PSD3: variants seen among roughly 807,000 people sequenced by gnomAD.
PSD3 encodes PH and SEC7 domain-containing protein 3.
PSD3 carries 49 observed loss-of-function variants against 105.5 expected under a neutral mutation model. That is an observed-to-expected ratio of 0.46 (90% CI 0.37 to 0.59). The LOEUF (loss-of-function observed/expected upper bound fraction) is 0.59, where lower values mean the gene tolerates loss of function less well. Among genes scored for constraint, PSD3 ranks in the 20% least tolerant of loss-of-function variants. The probability of loss-of-function intolerance (pLI) is 0.00; values close to 1 mark genes in which losing one functional copy is unlikely to be tolerated. For synonymous variants in PSD3, 557 were observed against 457.8 expected, an observed-to-expected ratio of 1.22 and a Z score of -2.77; for missense variants, 1,561 against 1,263.8, an observed-to-expected ratio of 1.24 and a Z score of -3.57.
At chr8:18,882,486 G>A (rs1818169826) in intron 2 of PSD3, among the ~76,000 whole-genome samples, 1 of 152,072 alleles carries the variant, frequency 6.6e-6, no homozygotes, top group African/African-American at 2.4e-5. Flanking sequence ...CTGTCATCAA[G>A]GAGCTTACAA....
chr8:18,808,725 C>T (rs780810795), intron 4 of PSD3: 13 of 1,613,826 alleles, frequency 8.1e-6, no homozygotes, highest in Non-Finnish European at 1.0e-5. Context: ...AATCAGAAAG[C>T]TTGACAATAT....
At chr8:18,725,945 G>A (rs1166451311) in intron 9 of PSD3, among the ~76,000 whole-genome samples, 1 of 152,140 alleles carries the variant, frequency 6.6e-6, no homozygotes, top group Non-Finnish European at 1.5e-5. Flanking sequence ...TTCATGTCCC[G>A]CCCACTTCCA....
rs1011616301 is a variant in PSD3 at position 18,641,138 on chromosome 8, G to C, written c.2217-8332C>G. Among the ~76,000 whole-genome samples the C allele has an allele frequency of 2.0e-5, 3 of 152,186 alleles. No homozygotes were observed. The South Asian group carries it at 6.2e-4, about 32-fold the overall frequency. ...CCTCTAGCCAGAACATTACAGAAGG[G>C]TAGGGGTTATAAATCAGGTCCCAAA... On this transcript the variant is annotated intron_variant, in intron 10 of 15. Transcript: ENST00000327040.
chr8:18,671,781 G>A (rs898311620), intron 9 of PSD3, among the ~76,000 whole-genome samples: 1 of 152,016 alleles, frequency 6.6e-6, no homozygotes, highest in African/African-American at 2.4e-5. Context: ...ATAGGTGCCC[G>A]CCATGACGTC....
At chr8:18,689,790 G>T (rs775098898) in intron 9 of PSD3, among the ~76,000 whole-genome samples, 1 of 152,150 alleles carries the variant, frequency 6.6e-6, no homozygotes, top group Non-Finnish European at 1.5e-5. Flanking sequence ...CTGTTATAAA[G>T]ATGCTAATGA....
chr8:19,047,668 C>T (rs1828372136), intron 1 of PSD3, among the ~76,000 whole-genome samples: 2 of 152,128 alleles, frequency 1.3e-5, no homozygotes, highest in Admixed American at 1.3e-4. Context: ...TCTGCCACAC[C>T]TTATGTCATA....
chr8:18,885,250 A>G (rs937884496), intron 2 of PSD3, among the ~76,000 whole-genome samples: 4 of 152,222 alleles, frequency 2.6e-5, no homozygotes, highest in African/African-American at 4.8e-5. Flanking sequence ...TAAAAATCCA[A>G]TTGTAAAATT....
intron 9 of PSD3, among the ~76,000 whole-genome samples, chr8:18,735,144 A>C (rs1009906514): frequency 2.0e-5 from 3 of 152,170 alleles, no homozygotes; most frequent in Admixed American, 2.0e-4. Context: ...AATAATCACC[A>C]AAAATCCCTA....
At chr8:18,869,009 G>T (rs1401547199) in intron 3 of PSD3, among the ~76,000 whole-genome samples, 2 of 152,008 alleles carry the variant, frequency 1.3e-5, no homozygotes, top group Non-Finnish European at 2.9e-5. Flanking sequence ...ACATTCCCAG[G>T]TATTACTGGA....
chr8:18,624,323 T>G (rs1806329367), intron 11 of PSD3, among the ~76,000 whole-genome samples: 1 of 152,100 alleles, frequency 6.6e-6, no homozygotes, highest in Admixed American at 6.6e-5. Flanking sequence ...TCACTATATG[T>G]TTAATGAATA....
chr8:19,015,405 C>A (rs1827148636), upstream of PSD3, among the ~76,000 whole-genome samples: 1 of 152,156 alleles, frequency 6.6e-6, no homozygotes. Flanking sequence ...AGGCATATTT[C>A]TCGTTTGTGA....
At chr8:18,800,148 C>T (rs1240289491) in intron 7 of PSD3, among the ~76,000 whole-genome samples, 1 of 152,170 alleles carries the variant, frequency 6.6e-6, no homozygotes, top group South Asian at 2.1e-4. Flanking sequence ...TCTCAAATAT[C>T]CTCATCAACA....
chr8:18,547,873 A>G (rs1287030489), intron 15 of PSD3, among the ~76,000 whole-genome samples: 1 of 152,162 alleles, frequency 6.6e-6, no homozygotes, highest in Non-Finnish European at 1.5e-5. Flanking sequence ...TTAAATAAGT[A>G]TTCTTTAAAT....
chr8:18,540,457 G>C (rs58397113), intron 15 of PSD3, among the ~76,000 whole-genome samples: 8,387 of 152,230 alleles, frequency 0.055, 410 homozygotes, highest in African/African-American at 0.13. Flanking sequence ...TACTTAGGGA[G>C]AAAGCTTAGG....
At chr8:18,604,535 C>T (rs915988888) in intron 11 of PSD3, among the ~76,000 whole-genome samples, 5 of 149,736 alleles carry the variant, frequency 3.3e-5, no homozygotes, top group Admixed American at 1.3e-4. Flanking sequence ...AGCCTGGCCA[C>T]GTGATAGAAA....
chr8:18,954,000 T>C (rs1198007410), intron 1 of PSD3, among the ~76,000 whole-genome samples: 1 of 152,020 alleles, frequency 6.6e-6, no homozygotes, highest in Non-Finnish European at 1.5e-5. Flanking sequence ...TATCAAACAG[T>C]GACACAGGGC....
intron 1 of PSD3, among the ~76,000 whole-genome samples, chr8:19,046,161 G>C (rs1313333633): frequency 6.6e-6 from 1 of 152,160 alleles, no homozygotes; most frequent in Non-Finnish European, 1.5e-5. Flanking sequence ...GCCCAGGCCA[G>C]AGTGCTGTGG....
chr8:18,603,790 C>T (rs1804611234), intron 11 of PSD3, among the ~76,000 whole-genome samples: 2 of 152,236 alleles, frequency 1.3e-5, no homozygotes, highest in South Asian at 4.2e-4. Flanking sequence ...AAGTGTGTAG[C>T]ACCTCGCCCA....
At chr8:18,599,578 G>T (rs527835659) in intron 12 of PSD3, among the ~76,000 whole-genome samples, 1 of 152,134 alleles carries the variant, frequency 6.6e-6, no homozygotes, top group African/African-American at 2.4e-5. Flanking sequence ...CCCAGTGGAC[G>T]CCTGAAATTT....
Sources: gnomAD v4.1 joint callset for allele counts (sites outside exome capture counted in the v4.1 genomes callset) on GRCh38, gnomAD v4.1.1 for gene constraint, MANE v1.5 for transcripts, NCBI Gene and HGNC (gene_info 2026-07-23, HGNC 2026-07-21) for gene names.